The following NECAB1 variants were observed in gnomAD, a reference collection of about 807,000 sequenced individuals.
The protein encoded by NECAB1 is N-terminal EF-hand calcium binding protein 1, also known as N-terminal EF-hand calcium-binding protein 1.
A neutral mutation model predicts 57.5 loss-of-function variants in NECAB1; 29 were observed. That is an observed-to-expected ratio of 0.50 (90% CI 0.38 to 0.69). The LOEUF (loss-of-function observed/expected upper bound fraction) is 0.69, where lower values mean the gene tolerates loss of function less well. NECAB1 is among the 30% of genes least tolerant of loss of function. The pLI, the probability that NECAB1 is intolerant of heterozygous loss-of-function variation, is 0.00. For synonymous variants in NECAB1, 142 were observed against 147.7 expected (o/e 0.96, Z 0.28); for missense variants, 372 against 413.8 (o/e 0.90, Z 0.88).
intron 2 of NECAB1, among the ~76,000 whole-genome samples, chr8:90,817,482 TGGA>T (rs1454193963): frequency 2.0e-5 from 3 of 151,554 alleles, no homozygotes; most frequent in African/African-American, 7.3e-5. Context: ...TTTATCAAGT[TGGA>T]GAAGTTTTTT....
intron 2 of NECAB1, among the ~76,000 whole-genome samples, chr8:90,818,513 T>G (rs776583064): frequency 6.6e-6 from 1 of 152,048 alleles, no homozygotes; most frequent in Non-Finnish European, 1.5e-5. Context: ...TAGATTGTGA[T>G]GTTTTCTTTC....
intron 10 of NECAB1, among the ~76,000 whole-genome samples, chr8:90,947,303 TACAC>T (rs71771328): frequency 0.057 from 4,449 of 78,124 alleles, 114 homozygotes; most frequent in South Asian, 0.087. Flanking sequence ...TAACAACACA[TACAC>T]ACACACACAC....
chr8:90,943,132 C>T (rs1435169162), intron 10 of NECAB1, among the ~76,000 whole-genome samples: 5 of 152,044 alleles, frequency 3.3e-5, no homozygotes, highest in African/African-American at 1.2e-4. Flanking sequence ...TAGAACAGCC[C>T]CAGGGAAAGG....
chr8:90,834,164 C>CA (rs71560282), intron 3 of NECAB1, among the ~76,000 whole-genome samples: 18,437 of 48,808 alleles, frequency 0.38, 4,148 homozygotes, highest in East Asian at 0.76. Flanking sequence ...AACTGTGTCT[C>CA]AAAAAAAAAA....
intron 5 of NECAB1, among the ~76,000 whole-genome samples, chr8:90,913,373 A>AG (rs1487977918): frequency 5.0e-5 from 2 of 40,278 alleles, no homozygotes; most frequent in Non-Finnish European, 7.2e-5. Flanking sequence ...AATAATTATC[A>AG]TGACACGAAT....
intron 2 of NECAB1, among the ~76,000 whole-genome samples, chr8:90,814,975 C>T (rs1812034094): frequency 6.6e-6 from 1 of 151,912 alleles, no homozygotes; most frequent in South Asian, 2.1e-4. Flanking sequence ...CTGTATGTAC[C>T]CATGGGTATC....
At chr8:90,933,556 T>C (rs1308296100) in intron 8 of NECAB1, among the ~76,000 whole-genome samples, 1 of 152,058 alleles carries the variant, frequency 6.6e-6, no homozygotes, top group Non-Finnish European at 1.5e-5. Context: ...AATGACACAG[T>C]AGACTTTGGG....
intron 5 of NECAB1, among the ~76,000 whole-genome samples, chr8:90,887,729 C>T (rs1421471993): frequency 6.6e-6 from 1 of 152,130 alleles, no homozygotes; most frequent in Admixed American, 6.6e-5. Context: ...AAGGAGGCAG[C>T]TATGAAGCCT....
intron 3 of NECAB1, among the ~76,000 whole-genome samples, chr8:90,846,102 T>C (rs1307783031): frequency 6.6e-6 from 1 of 152,200 alleles, no homozygotes; most frequent in Admixed American, 6.5e-5. Context: ...ATTACCTTCA[T>C]GCCAGCTTTA....
chr8:90,900,785 C>A (rs1410816862), intron 5 of NECAB1, among the ~76,000 whole-genome samples: 1 of 152,182 alleles, frequency 6.6e-6, no homozygotes, highest in Non-Finnish European at 1.5e-5. Flanking sequence ...AGGGTTTCAT[C>A]ACGCTCTTAT....
At chr8:90,830,753 A>G (rs920971668) in intron 3 of NECAB1, among the ~76,000 whole-genome samples, 2 of 152,070 alleles carry the variant, frequency 1.3e-5, no homozygotes, top group African/African-American at 4.8e-5. Context: ...TTTTTTTGAG[A>G]GAGAGGCATG....
chr8:90,891,366 T>A (rs564067624), intron 5 of NECAB1, among the ~76,000 whole-genome samples: 8 of 152,294 alleles, frequency 5.3e-5, no homozygotes, highest in East Asian at 3.9e-4. Context: ...ATGAGGATAA[T>A]GTTTAGTCAT....
At chr8:90,880,356 A>G (rs531997361) in intron 4 of NECAB1, among the ~76,000 whole-genome samples, 98 of 152,282 alleles carry the variant, frequency 6.4e-4, no homozygotes, top group African/African-American at 2.3e-3. Flanking sequence ...CATTATAGAA[A>G]TGCATAGATT....
chr8:90,880,525 A>C (rs1186189473), intron 4 of NECAB1, among the ~76,000 whole-genome samples: 1 of 127,034 alleles, frequency 7.9e-6, no homozygotes, highest in African/African-American at 3.6e-5. Flanking sequence ...CTCTGCCCAA[A>C]TTGTTGGAAA....
intron 3 of NECAB1, among the ~76,000 whole-genome samples, chr8:90,842,128 C>A (rs190845573): frequency 2.6e-5 from 4 of 152,206 alleles, no homozygotes; most frequent in African/African-American, 9.6e-5. Flanking sequence ...TGCAGTAAAC[C>A]ACCATGGCAC....
rs1811584560 is a variant in NECAB1, at chr8:90,792,065, G to C, written c.99+80G>C. The stretch of plus-strand genomic sequence containing the variant: ...CGAAAGGAAGGGGTTCGGCTCAGGT[G>C]CTGACCAGCCAATGCTTTGTCCCCA... On this transcript the variant is annotated intron_variant, in intron 1 of 12. Transcript: ENST00000417640. 12 of 1,131,192 alleles carry C rather than the reference G, an allele frequency of 1.1e-5. No individual in the cohort carries two copies. In the East Asian group the frequency reaches 3.1e-4, roughly 30 times the overall value. The allele number at this position is 1,131,192 out of a possible 1,614,324, so 70.1% of individuals were successfully genotyped here. A position where few individuals can be genotyped will look rare whatever the true frequency, so the allele number is the denominator to read the frequency against.
At chr8:90,875,844 C>CAA (rs5893141) in intron 4 of NECAB1, among the ~76,000 whole-genome samples, 896 of 88,392 alleles carry the variant, frequency 0.01, 14 homozygotes, top group East Asian at 0.039. Context: ...ACTAAAAATA[C>CAA]AAAAAAAAAA....
At chr8:90,931,859 G>C (rs545868028) in intron 8 of NECAB1, among the ~76,000 whole-genome samples, 1 of 151,936 alleles carries the variant, frequency 6.6e-6, no homozygotes. Context: ...AGCCGAGATC[G>C]TGCCACTTCA....
intron 3 of NECAB1, among the ~76,000 whole-genome samples, chr8:90,854,658 C>T (rs1042734105): frequency 3.9e-5 from 6 of 152,164 alleles, no homozygotes; most frequent in African/African-American, 1.2e-4. Context: ...GTTCAGTGAG[C>T]AAATACTCCA....
Sources: gnomAD v4.1 joint callset for allele counts (sites outside exome capture counted in the v4.1 genomes callset) on GRCh38, gnomAD v4.1.1 for gene constraint, MANE v1.5 for transcripts, NCBI Gene and HGNC (gene_info 2026-07-23, HGNC 2026-07-21) for gene names.